TTC27: variants seen among roughly 807,000 people sequenced by gnomAD.
The protein encoded by TTC27 is tetratricopeptide repeat domain 27, also known as tetratricopeptide repeat protein 27.
In TTC27, 79 loss-of-function variants were observed where a neutral mutation model predicts 115.9. That is an observed-to-expected ratio of 0.68 (90% CI 0.57 to 0.82). The LOEUF (loss-of-function observed/expected upper bound fraction) is 0.82. Among genes scored for constraint, TTC27 ranks in the 40% least tolerant of loss-of-function variants. The probability of loss-of-function intolerance (pLI) is 0.00; values close to 1 mark genes in which losing one functional copy is unlikely to be tolerated. For missense variants in TTC27, 1,054 were observed against 993.1 expected (o/e 1.06, Z -0.82); for synonymous variants, 401 against 356.0 (o/e 1.13, Z -1.42).
At chr2:32,630,790 A>T (rs1664157906) in intron 2 of TTC27, 90 bp downstream of exon 2, 6 of 1,231,650 alleles carry the variant, frequency 4.9e-6, no homozygotes, top group Non-Finnish European at 6.6e-6. Context: ...TTAGCAGTTG[A>T]GAAACCTTGC....
chr2:32,800,815 A>G (rs1378795959), intron 16 of TTC27, among the ~76,000 whole-genome samples: 1 of 152,154 alleles, frequency 6.6e-6, no homozygotes, highest in Non-Finnish European at 1.5e-5. Flanking sequence ...TACTGTTTAA[A>G]TGTAGCTCCT....
Position 32,650,258 on chromosome 2 carries a change from A to G in TTC27, c.640+25A>G, listed in dbSNP as rs1247821036. 4 of 1,571,832 alleles carry G rather than the reference A, an allele frequency of 2.5e-6. No homozygotes were observed. The South Asian group carries it at 3.3e-5, about 13-fold the overall frequency. On this transcript the variant is annotated intron_variant, in intron 5 of 19. Transcript: ENST00000317907. ...GGTATGTAGCAGATTTTTGTTTGAT[A>G]TGGGCATGTAGCTCAGTTCTAATTA...
intron 5 of TTC27, among the ~76,000 whole-genome samples, chr2:32,651,060 G>C (rs1195604417): frequency 2.0e-5 from 3 of 152,218 alleles, no homozygotes; most frequent in African/African-American, 7.2e-5. Flanking sequence ...AGGAATATGT[G>C]AACGTAAATG....
chr2:32,709,966 A>G (rs1227535480), intron 10 of TTC27, among the ~76,000 whole-genome samples: 2 of 152,202 alleles, frequency 1.3e-5, no homozygotes, highest in African/African-American at 2.4e-5. Context: ...TTTTTACATT[A>G]TGGAAAAAGT....
At chr2:32,795,746 T>TTATTATTATTATTATTATTAG (rs1670681030) in intron 16 of TTC27, among the ~76,000 whole-genome samples, 2 of 147,984 alleles carry the variant, frequency 1.4e-5, no homozygotes, top group African/African-American at 4.9e-5. Flanking sequence ...ATTATTATTA[T>TTATTATTATTATTATTATTAG]TATTATTATT....
At chr2:32,792,498 GT>G (rs145134703) in intron 16 of TTC27, among the ~76,000 whole-genome samples, 3 of 150,954 alleles carry the variant, frequency 2.0e-5, no homozygotes, top group Admixed American at 6.6e-5. Context: ...TTGTTTTTTG[GT>G]TTTTTTTTGA....
chr2:32,707,859 C>T (rs1667430595), intron 10 of TTC27, among the ~76,000 whole-genome samples: 1 of 151,912 alleles, frequency 6.6e-6, no homozygotes, highest in Non-Finnish European at 1.5e-5. Flanking sequence ...GGTAGCAGAG[C>T]TCCTTGGATA....
intron 12 of TTC27, among the ~76,000 whole-genome samples, chr2:32,740,718 G>C (rs1378069009): frequency 6.6e-6 from 1 of 152,094 alleles, no homozygotes; most frequent in Admixed American, 6.6e-5. Flanking sequence ...GCAGTGGCAC[G>C]ATCTTAGCTC....
In TTC27 at chr2:32,812,554, T is replaced by C. The variant is rs1371983483; in HGVS notation, c.2247T>C (p.Cys749=). The change falls in exon 18 of 20, where the codon TGT becomes TGC. Residue 749 remains cysteine (C), a synonymous_variant. Transcript: ENST00000317907. ...ACAAGTGTGACACCCAGTCCAATTG[T>C]TGGGAGAAAGATATTACATCATTTA... ...KAYKCDTQSN[C]WEKDITSFKE... is the part of the protein sequence containing the mutation. 1.9e-6 allele frequency: 3 copies of C among 1,614,112 alleles called. No individual in the cohort carries two copies. Among genetic ancestry groups the C allele is most frequent in the South Asian group, 1.1e-5 (1 of 91,074 alleles).
chr2:32,663,433 C>A (rs998968676), intron 5 of TTC27, among the ~76,000 whole-genome samples: 1 of 152,152 alleles, frequency 6.6e-6, no homozygotes, highest in African/African-American at 2.4e-5. Context: ...GAGAGTTCCA[C>A]GACCCCTTGT....
intron 10 of TTC27, among the ~76,000 whole-genome samples, chr2:32,720,594 G>A (rs1667892301): frequency 1.3e-5 from 2 of 152,072 alleles, no homozygotes; most frequent in South Asian, 2.1e-4. Flanking sequence ...TTGGTTGGTT[G>A]TATTTTTTTA....
At position 32,754,827 on chromosome 2, in the gene TTC27, A is replaced by ACC. The variant is rs573564211; in HGVS notation, c.1453-3458_1453-3457dup. 1.5e-3 allele frequency among the ~76,000 whole-genome samples: 192 copies of ACC among 126,252 alleles called. 1 individual carries two copies. The highest frequency in any genetic ancestry group is 2.7e-3 in the South Asian group (10 of 3,660). 82.8% of individuals were successfully genotyped at this position (126,252 alleles called of 152,430 possible). ...GGCGGCTGGCTGGGCGGGGGGGCTGACCCCCCCCACCTCCCTCCCGGACGG... is the reference window on the plus strand; with the variant it reads ...GGCGGCTGGCTGGGCGGGGGGGCTGACCCCCCCCCCACCTCCCTCCCGGACGG... On this transcript the variant is annotated intron_variant, in intron 12 of 19. Transcript: ENST00000317907.
intron 19 of TTC27, among the ~76,000 whole-genome samples, chr2:32,819,267 C>T (rs1671605870): frequency 6.6e-6 from 1 of 152,176 alleles, no homozygotes; most frequent in African/African-American, 2.4e-5. Flanking sequence ...TAGATTCCCA[C>T]ATAATGAAAA....
At chr2:32,744,827 G>A (rs921192231) in intron 12 of TTC27, among the ~76,000 whole-genome samples, 1 of 152,044 alleles carries the variant, frequency 6.6e-6, no homozygotes, top group African/African-American at 2.4e-5. Context: ...TAGACAGGCG[G>A]ATCACAACGT....
chr2:32,705,296 C>T (rs996894609), intron 10 of TTC27, among the ~76,000 whole-genome samples: 3 of 152,126 alleles, frequency 2.0e-5, no homozygotes, highest in Non-Finnish European at 4.4e-5. Flanking sequence ...GAGGTACATG[C>T]TTGTACAGCC....
At chr2:32,712,361 T>C (rs985625042) in intron 10 of TTC27, among the ~76,000 whole-genome samples, 1 of 152,202 alleles carries the variant, frequency 6.6e-6, no homozygotes, top group African/African-American at 2.4e-5. Context: ...GCAGTGGTGA[T>C]GTTAGTGACA....
intron 9 of TTC27, among the ~76,000 whole-genome samples, chr2:32,692,066 G>C (rs13023410): frequency 6.9e-5 from 1 of 14,516 alleles, no homozygotes; most frequent in Non-Finnish European, 2.0e-4. Context: ...TTTTTTTGTA[G>C]AGACAGGTCT....
chr2:32,716,454 CT>C, intron 10 of TTC27, among the ~76,000 whole-genome samples: 1 of 151,922 alleles, frequency 6.6e-6, no homozygotes, highest in Non-Finnish European at 1.5e-5. Flanking sequence ...TTAGCTATTT[CT>C]TTTTTAGTTG....
intron 9 of TTC27, among the ~76,000 whole-genome samples, chr2:32,692,404 G>T (rs1666847844): frequency 6.6e-6 from 1 of 152,100 alleles, no homozygotes; most frequent in Non-Finnish European, 1.5e-5. Flanking sequence ...AGAACGGGTT[G>T]CCGGGGGCTG....
Sources: gnomAD v4.1 joint callset for allele counts (sites outside exome capture counted in the v4.1 genomes callset) on GRCh38, gnomAD v4.1.1 for gene constraint, MANE v1.5 for transcripts, NCBI Gene and HGNC (gene_info 2026-07-23, HGNC 2026-07-21) for gene names.